Variants in L3MBTL1 observed in about 807,000 individuals in gnomAD.
The protein encoded by L3MBTL1 is L3MBTL histone methyl-lysine binding protein 1.
L3MBTL1 carries 75 observed loss-of-function variants against 105.3 expected under a neutral mutation model. The observed-to-expected ratio is 0.71, with a 90% CI of 0.59 to 0.86. The LOEUF (loss-of-function observed/expected upper bound fraction) is 0.86, where lower values mean the gene tolerates loss of function less well. Among genes scored for constraint, L3MBTL1 ranks in the 40% least tolerant of loss-of-function variants. L3MBTL1 has a pLI of 0.00. For synonymous variants in L3MBTL1, 452 were observed against 436.2 expected (o/e 1.04, Z -0.45); for missense variants, 1,069 against 1,126.4 (o/e 0.95, Z 0.73).
At chr20:43,519,664 T>G (rs1335790041) in intron 7 of L3MBTL1, among the ~76,000 whole-genome samples, 1 of 152,154 alleles carries the variant, frequency 6.6e-6, no homozygotes, top group Non-Finnish European at 1.5e-5. Flanking sequence ...GAGGTCTTGC[T>G]GTATTGCCCA....
rs1166759266 is a variant in L3MBTL1 at position 43,541,796 on chromosome 20, A to C, written c.*668A>C. The stretch of plus-strand genomic sequence containing the variant: ...ATATGGCTGTGTATCACTAGTATAT[A>C]ATAGAGCAATATTATGGAGGAATAT... On this transcript the variant is annotated 3_prime_UTR_variant, in exon 22 of 22. Transcript: ENST00000418998. The C allele has an allele frequency of 3.1e-6, 3 of 982,158 alleles. No individual in the cohort carries two copies. In the East Asian group the frequency reaches 3.4e-4, roughly 112 times the overall value. 60.8% of individuals were successfully genotyped at this position (982,158 alleles called of 1,614,324 possible).
At chr20:43,549,897 C>T (rs1978876806) in exon 19 of L3MBTL1, 1 of 152,194 alleles carries the variant, frequency 6.6e-6, no homozygotes, top group Admixed American at 6.5e-5. Context: ...CTACCACAAC[C>T]CAGTAGGGGC....
chr20:43,518,049 A>G (rs2018492769), intron 7 of L3MBTL1, among the ~76,000 whole-genome samples: 1 of 152,184 alleles, frequency 6.6e-6, no homozygotes, highest in Non-Finnish European at 1.5e-5. Context: ...AGATTCATAA[A>G]TCAACATTCT....
At chr20:43,522,387 A>G (rs374809285) in intron 7 of L3MBTL1, among the ~76,000 whole-genome samples, 35 of 151,834 alleles carry the variant, frequency 2.3e-4, no homozygotes, top group Non-Finnish European at 3.7e-4. Context: ...ATATAATATC[A>G]ATACACAAGA....
chr20:43,515,193 A>G, intron 5 of L3MBTL1, 34 bp downstream of exon 5: 2 of 1,613,940 alleles, frequency 1.2e-6, no homozygotes, highest in Non-Finnish European at 1.7e-6. Context: ...TACTTGCTCT[A>G]CCTTCAGCCC....
chr20:43,512,729 A>C (rs2018166383), intron 1 of L3MBTL1, among the ~76,000 whole-genome samples: 1 of 152,236 alleles, frequency 6.6e-6, no homozygotes, highest in Non-Finnish European at 1.5e-5. Context: ...GTGCTGAGTA[A>C]ATAGATATTA....
intron 7 of L3MBTL1, among the ~76,000 whole-genome samples, chr20:43,522,155 G>A (rs191570532): frequency 6.6e-6 from 1 of 152,282 alleles, no homozygotes; most frequent in East Asian, 1.9e-4. Flanking sequence ...AGGAGATTGA[G>A]ACCATCCTGG....
rs1466329938 is a variant in L3MBTL1, at chr20:43,540,237, C to T, written c.2260C>T (p.Gln754Ter). ...PDRSLSVCWE[Q>*]HCKLLPGVAG... ...CCGCTCACTCTCAGTGTGCTGGGAGCAGCACTGCAAGCTCCTGCCAGGAGT... is the reference window on the plus strand; with the variant it reads ...CCGCTCACTCTCAGTGTGCTGGGAGTAGCACTGCAAGCTCCTGCCAGGAGT... The change falls in exon 20 of 22, where the codon CAG becomes TAG. Residue 754 changes from glutamine (Q) to a stop codon, truncating the protein, a stop_gained. Transcript: ENST00000418998. LOFTEE classifies it high-confidence loss of function. The T allele has an allele frequency of 1.9e-6, 3 of 1,613,650 alleles. No individual in the cohort carries two copies. Among genetic ancestry groups the T allele is most frequent in the Non-Finnish European group, 2.5e-6 (3 of 1,180,028 alleles).
downstream of L3MBTL1, among the ~76,000 whole-genome samples, chr20:43,546,730 A>G (rs981923132): frequency 2.0e-5 from 3 of 152,144 alleles, no homozygotes; most frequent in Non-Finnish European, 2.9e-5. Flanking sequence ...CTCTACCCAT[A>G]TACCTAGCTA....
intron 7 of L3MBTL1, among the ~76,000 whole-genome samples, chr20:43,518,893 G>T (rs943030117): frequency 2.0e-5 from 3 of 146,946 alleles, no homozygotes; most frequent in Non-Finnish European, 4.5e-5. Flanking sequence ...AGGCATGGTG[G>T]CTCGCACCTG....
At chr20:43,548,762 GCTT>G (rs1224445191) in exon 19 of L3MBTL1, 15 of 152,478 alleles carry the variant, frequency 9.8e-5, no homozygotes, top group African/African-American at 3.4e-4. Context: ...TCATTCTGCT[GCTT>G]CGTTTCCTGG....
intron 7 of L3MBTL1, among the ~76,000 whole-genome samples, chr20:43,522,582 C>CCCT (rs1459303580): frequency 6.7e-6 from 1 of 148,558 alleles, no homozygotes; most frequent in African/African-American, 2.5e-5. Flanking sequence ...AAGCCATCCT[C>CCCT]CCTCCTTAGC....
chr20:43,520,442 A>G (rs563389955), intron 7 of L3MBTL1, among the ~76,000 whole-genome samples: 2 of 152,306 alleles, frequency 1.3e-5, no homozygotes, highest in African/African-American at 4.8e-5. Context: ...GCCATATGGT[A>G]ACTCCATGTT....
intron 14 of L3MBTL1, 71 bp downstream of exon 14, chr20:43,534,164 G>A: frequency 6.5e-7 from 1 of 1,547,642 alleles, no homozygotes; most frequent in Non-Finnish European, 8.9e-7. Flanking sequence ...CCAGGCTGGG[G>A]CCCTAGCCTT....
At chr20:43,513,800 C>G in intron 2 of L3MBTL1, 38 bp from the exon 3 acceptor site, 1 of 1,546,704 alleles carries the variant, frequency 6.5e-7, no homozygotes, top group Non-Finnish European at 8.7e-7. Context: ...GGCCACTAGA[C>G]TCACCTGTGT....
At chr20:43,530,600 G>T (rs185326607) in intron 10 of L3MBTL1, 181 bp downstream of exon 10, 44 of 787,988 alleles carry the variant, frequency 5.6e-5, no homozygotes, top group Non-Finnish European at 9.0e-5. Flanking sequence ...AGAAGCCCTA[G>T]AACTTCCGCT....
rs559928542 is a variant in L3MBTL1 at position 43,527,250 on chromosome 20, G to A, written c.863-1407G>A. Among the ~76,000 whole-genome samples the A allele has an allele frequency of 2.6e-5, 4 of 152,354 alleles. No individual in the cohort carries two copies. The East Asian group carries it at 7.7e-4, about 29-fold the overall frequency. ...ATTTCACAGATGACAAAATAGAGGT[G>A]TAGAAGTTTCTAGAAGAAGCTGGAG... is the stretch of plus-strand genomic sequence containing the variant. On this transcript the variant is annotated intron_variant, in intron 7 of 21. Transcript: ENST00000418998.
chr20:43,539,987 G>A (rs780511225), intron 19 of L3MBTL1, 164 bp from the exon 20 acceptor site: 1 of 735,172 alleles, frequency 1.4e-6, no homozygotes, highest in African/African-American at 1.7e-5. Flanking sequence ...TGTGTGAGGA[G>A]TCAGGAGATA....
chr20:43,516,420 G>T (rs2018397098), intron 7 of L3MBTL1, among the ~76,000 whole-genome samples: 2 of 152,134 alleles, frequency 1.3e-5, no homozygotes, highest in Admixed American at 1.3e-4. Flanking sequence ...TCATGACTAG[G>T]CCCCAGTGCC....
Sources: gnomAD v4.1 joint callset for allele counts (sites outside exome capture counted in the v4.1 genomes callset) on GRCh38, gnomAD v4.1.1 for gene constraint, MANE v1.5 for transcripts, NCBI Gene and HGNC (gene_info 2026-07-23, HGNC 2026-07-21) for gene names.